BATF: variants seen among roughly 807,000 people sequenced by gnomAD.
BATF encodes basic leucine zipper transcriptional factor ATF-like.
BATF carries 5 observed loss-of-function variants against 13.7 expected under a neutral mutation model. That is an observed-to-expected ratio of 0.36 (90% CI 0.19 to 0.77). The LOEUF (loss-of-function observed/expected upper bound fraction) is 0.77, where lower values mean the gene tolerates loss of function less well. Among genes scored for constraint, BATF ranks in the 30% least tolerant of loss-of-function variants. The pLI is 0.51. For missense variants in BATF, 124 were observed against 163.0 expected (o/e 0.76, Z 1.30); for synonymous variants, 72 against 67.5 (o/e 1.07, Z -0.33).
At chr14:75,539,708 G>A (rs992503190) in intron 2 of BATF, among the ~76,000 whole-genome samples, 11 of 152,008 alleles carry the variant, frequency 7.2e-5, no homozygotes, top group Non-Finnish European at 1.6e-4. Context: ...GAAAGTGAAG[G>A]TTCCTCCAGA....
intron 1 of BATF, 108 bp downstream of exon 1, chr14:75,522,853 C>T: frequency 8.1e-6 from 11 of 1,355,356 alleles, no homozygotes; most frequent in South Asian, 2.4e-5. Context: ...GGAAGTGGCT[C>T]GTTGCACGGG....
chr14:75,529,896 C>T (rs1444781641), intron 2 of BATF, among the ~76,000 whole-genome samples: 1 of 151,930 alleles, frequency 6.6e-6, no homozygotes, highest in Non-Finnish European at 1.5e-5. Context: ...AACCCCGTCT[C>T]TACTAAAAAT....
At chr14:75,525,252 C>T in intron 2 of BATF, 64 bp downstream of exon 2, 6 of 1,498,326 alleles carry the variant, frequency 4.0e-6, no homozygotes, top group Non-Finnish European at 5.5e-6. Flanking sequence ...CATCTGGGAA[C>T]CCTTGGACCA....
chr14:75,546,929 C>T lies in BATF; in HGVS notation c.*258C>T, dbSNP rs928357946. 1.7e-5 allele frequency: 12 copies of T among 705,010 alleles called. No individual in the cohort carries two copies. Among genetic ancestry groups the T allele is most frequent in the Non-Finnish European group, 2.8e-5 (11 of 387,386 alleles). The allele number at this position is 705,010 out of a possible 1,614,324, so 43.7% of individuals were successfully genotyped here. A position where few individuals can be genotyped will look rare whatever the true frequency, so the allele number is the denominator to read the frequency against. ...AGAGTATTAAGAAAGATGCTCAAGT[C>T]CCATGGCACAGAGCAAGGCGGGCAG... On this transcript the variant is annotated 3_prime_UTR_variant, in exon 3 of 3. Transcript: ENST00000286639.
At chr14:75,539,424 ATTTTTTTTTTT>A (rs1162218076) in intron 2 of BATF, among the ~76,000 whole-genome samples, 12 of 58,552 alleles carry the variant, frequency 2.0e-4, no homozygotes, top group Middle Eastern at 0.025. Flanking sequence ...GTAAGCTGGA[ATTTTTTTTTTT>A]TTTTTTTTTT....
intron 1 of BATF, among the ~76,000 whole-genome samples, chr14:75,524,491 C>T (rs1205483662): frequency 1.3e-5 from 2 of 152,150 alleles, no homozygotes; most frequent in Admixed American, 6.5e-5. Flanking sequence ...AGCCATTGGG[C>T]TCAGCACCAG....
At chr14:75,530,331 C>A (rs973057246) in intron 2 of BATF, among the ~76,000 whole-genome samples, 15 of 152,158 alleles carry the variant, frequency 9.9e-5, no homozygotes, top group Non-Finnish European at 1.9e-4. Flanking sequence ...TGCCCACGTC[C>A]ATTCAAATTA....
chr14:75,527,723 A>T (rs1887674092), intron 2 of BATF, among the ~76,000 whole-genome samples: 1 of 152,200 alleles, frequency 6.6e-6, no homozygotes, highest in South Asian at 2.1e-4. Flanking sequence ...CAAGTCATAT[A>T]GTCAACATAT....
chr14:75,531,787 G>A (rs957021880), intron 2 of BATF, among the ~76,000 whole-genome samples: 13 of 152,140 alleles, frequency 8.5e-5, no homozygotes, highest in African/African-American at 3.1e-4. Context: ...ATTGTTCTTG[G>A]CCTTCTGAGG....
Position 75,522,547 on chromosome 14 carries a change from A to C in BATF, c.-136A>C. On this transcript the variant is annotated 5_prime_UTR_variant, in exon 1 of 3. Coordinates refer to ENST00000286639, the MANE Select transcript of BATF (RefSeq NM_006399.5). ...GAGGACGCAGGGGTCAGAGGTGGCTACAGGGCAGGCAGAGGAGGCACCTGT... is the reference window on the plus strand; with the variant it reads ...GAGGACGCAGGGGTCAGAGGTGGCTCCAGGGCAGGCAGAGGAGGCACCTGT... The C allele has an allele frequency of 1.1e-6, 1 of 887,914 alleles. No individual in the cohort carries two copies. Among genetic ancestry groups the C allele is most frequent in the Non-Finnish European group, 1.8e-6 (1 of 554,322 alleles). 55.0% of individuals were successfully genotyped at this position (887,914 alleles called of 1,614,324 possible).
rs138759588 is a variant in BATF at position 75,523,650 on chromosome 14, A to G, written c.63+905A>G. ...GAAGCCCTCCTCTTTCTCATCCGACATGTATCCGTGGGTTAAAATTTTCTC... is the reference window on the plus strand; with the variant it reads ...GAAGCCCTCCTCTTTCTCATCCGACGTGTATCCGTGGGTTAAAATTTTCTC... On this transcript the variant is annotated intron_variant, in intron 1 of 2. Transcript: ENST00000286639. 4.8e-3 allele frequency among the ~76,000 whole-genome samples: 728 copies of G among 152,322 alleles called. 1 individual carries two copies. Among genetic ancestry groups the G allele is most frequent in the African/African-American group, 0.014 (592 of 41,572 alleles).
rs185766673 is a variant in BATF at position 75,543,069 on chromosome 14, G to A, written c.169-3393G>A. On this transcript the variant is annotated intron_variant, in intron 2 of 2. Transcript: ENST00000286639. ...AACTCTCAGAGGGGGCGAAGAAAAG[G>A]GCTAGAGGAAGGAGCCAGGACTCCC... 3.1e-3 allele frequency among the ~76,000 whole-genome samples: 467 copies of A among 152,306 alleles called. 3 individuals are homozygous for A. The highest frequency in any genetic ancestry group is 4.7e-3 in the Non-Finnish European group (320 of 68,036).
At chr14:75,538,252 G>T (rs527786835) in intron 2 of BATF, among the ~76,000 whole-genome samples, 1 of 152,268 alleles carries the variant, frequency 6.6e-6, no homozygotes, top group African/African-American at 2.4e-5. Flanking sequence ...ACTGCACCTG[G>T]CCTTATGTTA....
In BATF at chr14:75,528,147, G is replaced by A. The variant is rs563936674; in HGVS notation, c.168+2959G>A. Among the ~76,000 whole-genome samples the A allele has an allele frequency of 3.9e-5, 6 of 152,352 alleles. No individual in the cohort carries two copies. In the South Asian group the frequency reaches 6.2e-4, roughly 16 times the overall value. On this transcript the variant is annotated intron_variant, in intron 2 of 2. Transcript: ENST00000286639. The stretch of plus-strand genomic sequence containing the variant: ...CTCCTTTCCATGCTTGGCTCCACAT[G>A]CTGGGGTTGTTCTCTGGCCCTCAGA...
At chr14:75,526,983 T>G (rs1417857836) in intron 2 of BATF, among the ~76,000 whole-genome samples, 1 of 152,194 alleles carries the variant, frequency 6.6e-6, no homozygotes, top group Non-Finnish European at 1.5e-5. Flanking sequence ...TTTTCTTAAG[T>G]GGAATGTAAG....
In BATF at chr14:75,522,649, G is replaced by C; in HGVS notation, c.-34G>C. 6.2e-7 allele frequency: 1 copy of C among 1,613,004 alleles called. No homozygotes were observed. The highest frequency in any genetic ancestry group is 8.5e-7 in the Non-Finnish European group (1 of 1,178,974). On this transcript the variant is annotated 5_prime_UTR_variant, in exon 1 of 3. Coordinates refer to ENST00000286639, the MANE Select transcript of BATF (RefSeq NM_006399.5). ...GTGACAAGAGAGCCCAGAGGTGCCT[G>C]GGGCTGAGTGTGAGAGCCCGGAAGA...
chr14:75,522,504 T>A lies in BATF; in HGVS notation c.-179T>A. On this transcript the variant is annotated 5_prime_UTR_variant, in exon 1 of 3. Transcript: ENST00000286639. ...ACATGTCCCTTTGGGGAGCAGTCCC[T>A]CTGCACCCCAGAGTGAGGAGGACGC... is the stretch of plus-strand genomic sequence containing the variant. The A allele has an allele frequency of 1.6e-6, 1 of 621,870 alleles. No individual in the cohort carries two copies. Among genetic ancestry groups the A allele is most frequent in the Non-Finnish European group, 2.8e-6 (1 of 351,484 alleles). The allele number at this position is 621,870 out of a possible 1,614,324, so 38.5% of individuals were successfully genotyped here.
At chr14:75,527,001 C>T (rs183061238) in intron 2 of BATF, among the ~76,000 whole-genome samples, 30 of 152,276 alleles carry the variant, frequency 2.0e-4, no homozygotes, top group African/African-American at 4.6e-4. Flanking sequence ...AAGTATAGTT[C>T]GGCAGCTCAG....
intron 2 of BATF, among the ~76,000 whole-genome samples, chr14:75,540,757 A>T (rs1887884365): frequency 6.6e-6 from 1 of 151,182 alleles, no homozygotes; most frequent in South Asian, 2.1e-4. Context: ...TAAAATACTT[A>T]AAAGAGTGAT....
Sources: allele counts gnomAD v4.1 joint callset (sites outside exome capture counted in the v4.1 genomes callset), GRCh38; gene constraint gnomAD v4.1.1; transcripts MANE v1.5; gene names NCBI Gene and HGNC (gene_info 2026-07-23, HGNC 2026-07-21).